The following SCML4 variants were observed in gnomAD, a reference collection of about 807,000 sequenced individuals.
The protein encoded by SCML4 is Scm polycomb group protein like 4, also known as sex comb on midleg-like protein 4.
A neutral mutation model predicts 41.1 loss-of-function variants in SCML4; 34 were observed. The ratio of observed to expected loss-of-function variants is 0.83; its 90% CI spans 0.63 to 1.10. SCML4 has a LOEUF of 1.10. Among genes scored for constraint, SCML4 ranks in the 50% least tolerant of loss-of-function variants. The pLI is 0.00. For synonymous variants in SCML4, 214 were observed against 220.9 expected (o/e 0.97, Z 0.28); for missense variants, 522 against 534.1 (o/e 0.98, Z 0.22).
At chr6:107,762,082 A>T (rs1779647179) in intron 2 of SCML4, among the ~76,000 whole-genome samples, 1 of 152,190 alleles carries the variant, frequency 6.6e-6, no homozygotes, top group Non-Finnish European at 1.5e-5. Context: ...GCATGGCAAC[A>T]ATAATATATA....
intron 1 of SCML4, among the ~76,000 whole-genome samples, chr6:107,802,823 C>T (rs1175031889): frequency 1.3e-5 from 2 of 151,424 alleles, no homozygotes; most frequent in African/African-American, 2.4e-5. Flanking sequence ...GCTGCCATCT[C>T]GGCTCACTGC....
intron 2 of SCML4, among the ~76,000 whole-genome samples, chr6:107,750,963 A>C (rs562192956): frequency 6.6e-6 from 1 of 152,338 alleles, no homozygotes; most frequent in South Asian, 2.1e-4. Context: ...ATAGTCATGG[A>C]GAAATAGTAT....
intron 5 of SCML4, among the ~76,000 whole-genome samples, chr6:107,743,226 C>T (rs972005947): frequency 1.3e-5 from 2 of 152,200 alleles, no homozygotes; most frequent in African/African-American, 4.8e-5. Context: ...GTTCAATTAT[C>T]ACCCTGACCT....
intron 5 of SCML4, among the ~76,000 whole-genome samples, chr6:107,733,867 C>T (rs1449777344): frequency 6.6e-6 from 1 of 152,212 alleles, no homozygotes; most frequent in African/African-American, 2.4e-5. Context: ...TTTGGACAGG[C>T]TCATCAGAAA....
chr6:107,757,354 C>G (rs980429277), intron 2 of SCML4, among the ~76,000 whole-genome samples: 1 of 152,158 alleles, frequency 6.6e-6, no homozygotes, highest in Admixed American at 6.5e-5. Context: ...CTAGAAACAT[C>G]TGGCTTTGGC....
At chr6:107,714,321 G>A (rs1316570028) in intron 6 of SCML4, among the ~76,000 whole-genome samples, 1 of 152,018 alleles carries the variant, frequency 6.6e-6, no homozygotes, top group Non-Finnish European at 1.5e-5. Flanking sequence ...ACCTCTGCTG[G>A]GAAGCCTCCA....
At chr6:107,830,948 C>T in the SCML4 span, among the ~76,000 whole-genome samples, 10 of 152,094 alleles carry the variant, frequency 6.6e-5, no homozygotes, top group Admixed American at 2.6e-4. Context: ...GAGAAACAAA[C>T]CCAGTGTACC....
rs921845736 is a variant in SCML4, at chr6:107,703,538, C to A, written c.*1662G>T. Among the ~76,000 whole-genome samples the A allele has an allele frequency of 6.6e-6, 1 of 152,166 alleles. No individual in the cohort carries two copies. ...GCATGGCATGGACTATTTCTTATGG[C>A]CTTCATCTGGATTCTAACTATATAG... On this transcript the variant is annotated 3_prime_UTR_variant, in exon 8 of 8. Coordinates refer to ENST00000369020, the MANE Select transcript of SCML4 (RefSeq NM_198081.5).
intron 5 of SCML4, among the ~76,000 whole-genome samples, chr6:107,741,583 G>A (rs1300773601): frequency 6.6e-6 from 1 of 152,244 alleles, no homozygotes; most frequent in African/African-American, 2.4e-5. Flanking sequence ...AATCAGTGTG[G>A]CTGTTACGCA....
At chr6:107,802,867 C>A (rs959281167) in intron 1 of SCML4, among the ~76,000 whole-genome samples, 2 of 151,920 alleles carry the variant, frequency 1.3e-5, no homozygotes, top group Non-Finnish European at 2.9e-5. Context: ...CCTCAGCCTG[C>A]CGAGTGCCTG....
chr6:107,746,804 G>A lies in SCML4; in HGVS notation c.372C>T (p.Pro124=), dbSNP rs751899100. 30 of 1,613,958 alleles carry A rather than the reference G, an allele frequency of 1.9e-5. No individual in the cohort carries two copies. The highest frequency in any genetic ancestry group is 1.2e-4 in the South Asian group (11 of 91,052). Residue 124 remains proline, a synonymous_variant, in exon 4 of 8, where the codon CCC becomes CCT. Transcript: ENST00000369020. ...KVQQLPEHFG[P]ERPSAVLQQA... Reference sequence around the variant, plus strand: ...GCTGCAGCACCGCCGATGGCCGCTCGGGCCCAAAATGCTCCGGGAGCTGCT... The same window carrying A: ...GCTGCAGCACCGCCGATGGCCGCTCAGGCCCAAAATGCTCCGGGAGCTGCT...
intron 1 of SCML4, among the ~76,000 whole-genome samples, chr6:107,790,447 G>T (rs11964340): frequency 0.28 from 42,503 of 151,884 alleles, 6,139 homozygotes; most frequent in Middle Eastern, 0.33. Context: ...CTTTTTTCCT[G>T]CTTTCTCTCC....
chr6:107,717,361 A>G (rs1774942184), intron 6 of SCML4, among the ~76,000 whole-genome samples: 3 of 151,496 alleles, frequency 2.0e-5, no homozygotes, highest in Admixed American at 1.3e-4. Context: ...GAATAATTTC[A>G]TTTTTCTTCA....
chr6:107,812,965 G>T (rs1032070238), intron 1 of SCML4, among the ~76,000 whole-genome samples: 1 of 150,898 alleles, frequency 6.6e-6, no homozygotes, highest in Non-Finnish European at 1.5e-5. Context: ...TACACCTCCT[G>T]CATTCCTAAT....
chr6:107,714,492 G>A (rs1390442321), intron 6 of SCML4, among the ~76,000 whole-genome samples: 2 of 152,136 alleles, frequency 1.3e-5, no homozygotes, highest in East Asian at 1.9e-4. Context: ...ACTTCTCCCT[G>A]ACAGCAATCA....
intron 1 of SCML4, 41 bp downstream of exon 1, chr6:107,824,085 C>T (rs1200025257): frequency 6.6e-6 from 1 of 152,184 alleles, no homozygotes; most frequent in African/African-American, 2.4e-5. Flanking sequence ...AGAGAAAGAT[C>T]CCGTGTCAAC....
chr6:107,709,537 A>C (rs2047516682), intron 6 of SCML4, among the ~76,000 whole-genome samples: 3 of 152,076 alleles, frequency 2.0e-5, no homozygotes, highest in Admixed American at 2.0e-4. Flanking sequence ...TGACCGACCG[A>C]ATGTCTCCCC....
intron 2 of SCML4, among the ~76,000 whole-genome samples, chr6:107,758,996 G>C (rs1779328398): frequency 6.6e-6 from 1 of 151,984 alleles, no homozygotes; most frequent in African/African-American, 2.4e-5. Flanking sequence ...ATGGTGCTAG[G>C]CCCAGTGGCT....
At chr6:107,717,794 C>T (rs6568488) in intron 6 of SCML4, among the ~76,000 whole-genome samples, 80,793 of 152,158 alleles carry the variant, frequency 0.53, 23,374 homozygotes, top group Middle Eastern at 0.71. Context: ...GTGATCCACC[C>T]GCCTTGGCCT....
Sources: allele counts gnomAD v4.1 joint callset (sites outside exome capture counted in the v4.1 genomes callset), GRCh38; gene constraint gnomAD v4.1.1; transcripts MANE v1.5; gene names NCBI Gene and HGNC (gene_info 2026-07-23, HGNC 2026-07-21).